The following SLC24A2 variants were observed in gnomAD, a reference collection of about 807,000 sequenced individuals.
SLC24A2 encodes the protein solute carrier family 24 member 2.
A neutral mutation model predicts 62.0 loss-of-function variants in SLC24A2; 36 were observed. The observed-to-expected ratio is 0.58, with a 90% CI of 0.44 to 0.77. The LOEUF is 0.77. SLC24A2 is among the 30% of genes least tolerant of loss of function. The pLI is 0.00. For missense variants in SLC24A2, 846 were observed against 817.9 expected (o/e 1.03, Z -0.42); for synonymous variants, 358 against 294.0 (o/e 1.22, Z -2.23).
At chr9:19,913,598 G>A in the SLC24A2 span, among the ~76,000 whole-genome samples, 1 of 152,136 alleles carries the variant, frequency 6.6e-6, no homozygotes, top group Non-Finnish European at 1.5e-5. Flanking sequence ...TAGAGATGGA[G>A]TAGGTGGCTG....
chr9:19,752,359 C>T (rs1003567587), intron 2 of SLC24A2, among the ~76,000 whole-genome samples: 6 of 151,922 alleles, frequency 3.9e-5, no homozygotes, highest in South Asian at 2.1e-4. Context: ...AGATCAATTC[C>T]GACTCGAACA....
chr9:19,705,756 T>G (rs1330543682), intron 2 of SLC24A2: 1 of 154,288 alleles, frequency 6.5e-6, no homozygotes, highest in African/African-American at 2.4e-5. Context: ...AATGAGTTTC[T>G]TAATCCTGAG....
At chr9:20,044,792 C>T in the SLC24A2 span, among the ~76,000 whole-genome samples, 2 of 152,132 alleles carry the variant, frequency 1.3e-5, no homozygotes, top group African/African-American at 4.8e-5. Flanking sequence ...CTACCATGCA[C>T]ACAGTATCAC....
chr9:20,018,236 T>A, the SLC24A2 span, among the ~76,000 whole-genome samples: 2 of 152,218 alleles, frequency 1.3e-5, no homozygotes, highest in Admixed American at 6.5e-5. Flanking sequence ...CATGAGCCAC[T>A]GCGCCCGGCC....
At chr9:20,211,424 A>C in the SLC24A2 span, among the ~76,000 whole-genome samples, 1 of 152,166 alleles carries the variant, frequency 6.6e-6, no homozygotes, top group Non-Finnish European at 1.5e-5. Context: ...AGGCAGGAGA[A>C]TTGCTTGAAC....
the SLC24A2 span, among the ~76,000 whole-genome samples, chr9:19,963,268 G>A: frequency 6.8e-6 from 1 of 148,126 alleles, no homozygotes; most frequent in Non-Finnish European, 1.5e-5. Flanking sequence ...AAAAACCCTA[G>A]AAGAAAACCT....
At chr9:20,208,357 G>T in the SLC24A2 span, among the ~76,000 whole-genome samples, 1 of 152,170 alleles carries the variant, frequency 6.6e-6, no homozygotes, top group Admixed American at 6.5e-5. Flanking sequence ...CACGGCGAAG[G>T]CTGAAGCAGC....
At chr9:20,233,780 T>C in the SLC24A2 span, among the ~76,000 whole-genome samples, 1 of 152,238 alleles carries the variant, frequency 6.6e-6, no homozygotes, top group Non-Finnish European at 1.5e-5. Flanking sequence ...TGATGTTAGC[T>C]GGTTATTTTG....
the SLC24A2 span, among the ~76,000 whole-genome samples, chr9:20,235,344 C>A: frequency 6.6e-6 from 1 of 152,252 alleles, no homozygotes; most frequent in Non-Finnish European, 1.5e-5. Context: ...CAGAGGCAGG[C>A]AGGCCTCCTT....
At chr9:19,987,180 C>T in the SLC24A2 span, among the ~76,000 whole-genome samples, 17 of 151,948 alleles carry the variant, frequency 1.1e-4, no homozygotes, top group Admixed American at 2.6e-4. Context: ...TGGGGGACAA[C>T]GAGTTTAGTT....
At chr9:19,985,426 T>C in the SLC24A2 span, among the ~76,000 whole-genome samples, 2 of 152,158 alleles carry the variant, frequency 1.3e-5, no homozygotes, top group Admixed American at 6.6e-5. Context: ...GAATTACTGA[T>C]ACATATGACT....
the SLC24A2 span, among the ~76,000 whole-genome samples, chr9:20,097,989 G>T: frequency 1.3e-5 from 2 of 151,418 alleles, no homozygotes; most frequent in African/African-American, 4.9e-5. Flanking sequence ...TGATTCGCCC[G>T]CCTCGGCCTC....
chr9:19,725,675 A>T (rs536725124), intron 2 of SLC24A2, among the ~76,000 whole-genome samples: 10 of 152,314 alleles, frequency 6.6e-5, no homozygotes, highest in African/African-American at 2.4e-4. Context: ...AGATTGCAGC[A>T]TTAAAAATAC....
At chr9:19,813,983 T>A in the SLC24A2 span, among the ~76,000 whole-genome samples, 1 of 152,168 alleles carries the variant, frequency 6.6e-6, no homozygotes, top group Non-Finnish European at 1.5e-5. Context: ...CATAGTACTT[T>A]GCTATAGGGG....
the SLC24A2 span, among the ~76,000 whole-genome samples, chr9:20,183,406 C>A: frequency 2.0e-5 from 3 of 152,220 alleles, no homozygotes. Flanking sequence ...GAAACACAGC[C>A]ATGTTCCTTT....
chr9:20,217,400 G>C, the SLC24A2 span, among the ~76,000 whole-genome samples: 1 of 152,160 alleles, frequency 6.6e-6, no homozygotes, highest in Non-Finnish European at 1.5e-5. Flanking sequence ...GCAGGTACTG[G>C]CTACACTGAT....
At chr9:20,234,043 T>C in the SLC24A2 span, among the ~76,000 whole-genome samples, 1 of 152,228 alleles carries the variant, frequency 6.6e-6, no homozygotes, top group Non-Finnish European at 1.5e-5. Context: ...TTAAAAATGT[T>C]GAATATTGGT....
the SLC24A2 span, among the ~76,000 whole-genome samples, chr9:20,175,012 AT>A: frequency 6.4e-5 from 6 of 93,252 alleles, no homozygotes; most frequent in African/African-American, 2.6e-4. Flanking sequence ...CAGTTTCTGA[AT>A]TTTTTATATA....
At chr9:20,210,456 A>G in the SLC24A2 span, among the ~76,000 whole-genome samples, 14 of 152,192 alleles carry the variant, frequency 9.2e-5, no homozygotes, top group African/African-American at 3.1e-4. Flanking sequence ...CAAAATCATC[A>G]TGCAGAAGGC....
Sources: allele counts gnomAD v4.1 joint callset (sites outside exome capture counted in the v4.1 genomes callset), GRCh38; gene constraint gnomAD v4.1.1; transcripts MANE v1.5; gene names NCBI Gene and HGNC (gene_info 2026-07-23, HGNC 2026-07-21).